CDC40: variants seen among roughly 807,000 people sequenced by gnomAD.
CDC40 encodes pre-mRNA-processing factor 17.
CDC40 carries 27 observed loss-of-function variants against 80.6 expected under a neutral mutation model. The observed-to-expected ratio is 0.33, with a 90% CI of 0.25 to 0.46. CDC40 has a LOEUF of 0.46. Ranked by LOEUF, CDC40 falls within the 20% of genes least tolerant of loss-of-function variation. The pLI, the probability that CDC40 is intolerant of heterozygous loss-of-function variation, is 1.00. For missense variants in CDC40, 486 were observed against 694.1 expected (o/e 0.70, Z 3.37); for synonymous variants, 221 against 232.6 (o/e 0.95, Z 0.45).
intron 9 of CDC40, among the ~76,000 whole-genome samples, chr6:110,215,984 C>T (rs773400940): frequency 3.3e-5 from 5 of 152,058 alleles, no homozygotes; most frequent in African/African-American, 7.2e-5. Flanking sequence ...GCTGGATGAA[C>T]GATGGTGCCA....
At chr6:110,229,770 G>GT (rs1023422722) in intron 14 of CDC40, among the ~76,000 whole-genome samples, 184 bp from the exon 15 acceptor site, 2 of 151,642 alleles carry the variant, frequency 1.3e-5, no homozygotes, top group Non-Finnish European at 2.9e-5. Context: ...TGGTTGGGAG[G>GT]TTTTTTTAAT....
rs918692634 is a variant in CDC40, at chr6:110,180,718, C to G, written c.189+85C>G. ...AGCCGCTTGTTAGGTACCGGGTTAC[C>G]TCTTTCTCAGTGCTCAGAGATAAGT... On this transcript the variant is annotated intron_variant, in intron 1 of 14. Transcript: ENST00000307731. 9.9e-5 allele frequency: 95 copies of G among 960,468 alleles called. 1 individual carries two copies. Among genetic ancestry groups the G allele is most frequent in the Non-Finnish European group, 1.3e-4 (83 of 616,972 alleles). The allele number at this position is 960,468 out of a possible 1,614,324, so 59.5% of individuals were successfully genotyped here. A position where few individuals can be genotyped will look rare whatever the true frequency, so the allele number is the denominator to read the frequency against.
At chr6:110,219,992 T>C in intron 12 of CDC40, 123 bp downstream of exon 12, 1 of 952,500 alleles carries the variant, frequency 1.0e-6, no homozygotes, top group Non-Finnish European at 1.5e-6. Flanking sequence ...GATCCTGGCT[T>C]GCCAATCAAA....
chr6:110,222,612 C>G (rs1777792612), intron 12 of CDC40, among the ~76,000 whole-genome samples: 1 of 152,010 alleles, frequency 6.6e-6, no homozygotes, highest in Non-Finnish European at 1.5e-5. Context: ...TTAACCCTTA[C>G]TATGAGAGCC....
At chr6:110,208,913 C>T (rs1364490713) in intron 4 of CDC40, among the ~76,000 whole-genome samples, 171 bp from the exon 5 acceptor site, 1 of 152,080 alleles carries the variant, frequency 6.6e-6, no homozygotes, top group South Asian at 2.1e-4. Flanking sequence ...CATGAGTCAG[C>T]GTATATGGTA....
At chr6:110,199,054 A>G (rs1467546991) in intron 2 of CDC40, 2 of 152,212 alleles carry the variant, frequency 1.3e-5, no homozygotes, top group South Asian at 2.1e-4. Context: ...TCCAATAGCT[A>G]CCAGTAGATG....
intron 8 of CDC40, among the ~76,000 whole-genome samples, 200 bp downstream of exon 8, chr6:110,213,360 C>CT (rs1491555991): frequency 2.6e-5 from 4 of 151,314 alleles, no homozygotes; most frequent in Middle Eastern, 3.2e-3. Flanking sequence ...GGCTAGGCCC[C>CT]TTTTTTTGTT....
intron 3 of CDC40, among the ~76,000 whole-genome samples, chr6:110,206,413 C>G (rs1437491796): frequency 6.6e-6 from 1 of 152,182 alleles, no homozygotes; most frequent in East Asian, 1.9e-4. Context: ...TGATTTAGCA[C>G]TCTTGTGAAT....
At chr6:110,219,625 T>G in intron 11 of CDC40, 111 bp from the exon 12 acceptor site, 1 of 1,341,728 alleles carries the variant, frequency 7.5e-7, no homozygotes, top group Non-Finnish European at 1.0e-6. Context: ...AAAATTTACA[T>G]TTATAAAAAT....
intron 13 of CDC40, among the ~76,000 whole-genome samples, chr6:110,226,687 A>G (rs759507288): frequency 6.6e-6 from 1 of 151,412 alleles, no homozygotes; most frequent in Non-Finnish European, 1.5e-5. Flanking sequence ...TGCTGGGATT[A>G]CAGGCCTAAG....
chr6:110,213,101 A>G lies in CDC40; in HGVS notation c.883A>G (p.Arg295Gly). 1 of 1,610,204 alleles carries G rather than the reference A, an allele frequency of 6.2e-7. No homozygotes were observed. The highest frequency in any genetic ancestry group is 2.2e-5 in the East Asian group (1 of 44,850). ...CTTTTTATAGGGCGTCAGTGCAGTC[A>G]GATTGTTTCCTCTCTCTGGCCATTT... ...SGHTKGVSAV[R>G]LFPLSGHLLL... Residue 295 changes from arginine to glycine, a missense_variant, in exon 8 of 15, where the codon AGA (arginine) becomes GGA (glycine). Coordinates refer to ENST00000307731, the MANE Select transcript of CDC40 (RefSeq NM_015891.3).
intron 9 of CDC40, among the ~76,000 whole-genome samples, chr6:110,216,592 G>C (rs1777702647): frequency 6.6e-6 from 1 of 152,134 alleles, no homozygotes; most frequent in African/African-American, 2.4e-5. Flanking sequence ...CTCTGACTGG[G>C]ACTCCAGCTG....
chr6:110,189,106 T>C (rs1446458196), intron 1 of CDC40, among the ~76,000 whole-genome samples: 1 of 152,228 alleles, frequency 6.6e-6, no homozygotes, highest in Non-Finnish European at 1.5e-5. Flanking sequence ...TTGTGGTTAC[T>C]TTGAGCTCTT....
intron 2 of CDC40, among the ~76,000 whole-genome samples, chr6:110,198,648 T>C (rs1777450826): frequency 6.6e-6 from 1 of 152,252 alleles, no homozygotes; most frequent in Admixed American, 6.5e-5. Context: ...TAAATGTGTA[T>C]GTTTTATGTA....
intron 2 of CDC40, among the ~76,000 whole-genome samples, chr6:110,200,921 T>G (rs1206442158): frequency 6.6e-5 from 10 of 152,222 alleles, no homozygotes; most frequent in Admixed American, 6.5e-4. Flanking sequence ...TAGTGTGACT[T>G]CTCAGAGTGG....
At position 110,204,307 on chromosome 6, in the gene CDC40, C is replaced by T. The variant is rs558505141; in HGVS notation, c.406+2620C>T. Among the ~76,000 whole-genome samples the T allele has an allele frequency of 2.2e-4, 34 of 152,210 alleles. No homozygotes were observed. In the South Asian group the frequency reaches 2.3e-3, roughly 10 times the overall value. On this transcript the variant is annotated intron_variant, in intron 3 of 14. Coordinates refer to ENST00000307731, the MANE Select transcript of CDC40 (RefSeq NM_015891.3). ...GATTACAGGCATGAGCCACCGTGCC[C>T]GCCCTTATTAACATTTTTAAATGAT...
chr6:110,186,000 CCTT>C (rs1474342141), intron 1 of CDC40, among the ~76,000 whole-genome samples: 1 of 152,156 alleles, frequency 6.6e-6, no homozygotes, highest in East Asian at 1.9e-4. Flanking sequence ...AGTACTTTCA[CCTT>C]CTACTGAGCA....
intron 8 of CDC40, among the ~76,000 whole-genome samples, chr6:110,214,548 T>C (rs920938629): frequency 1.3e-5 from 2 of 152,128 alleles, no homozygotes; most frequent in Admixed American, 6.5e-5. Flanking sequence ...GAGCATAACA[T>C]CTAAGAGACA....
At chr6:110,223,701 A>C (rs1364559569) in intron 12 of CDC40, among the ~76,000 whole-genome samples, 1 of 152,236 alleles carries the variant, frequency 6.6e-6, no homozygotes, top group African/African-American at 2.4e-5. Context: ...TAATGATAAA[A>C]GAAAACAAAG....
Sources: allele counts gnomAD v4.1 joint callset (sites outside exome capture counted in the v4.1 genomes callset), GRCh38; gene constraint gnomAD v4.1.1; transcripts MANE v1.5; gene names NCBI Gene and HGNC (gene_info 2026-07-23, HGNC 2026-07-21).